NTRK3: variants seen among roughly 807,000 people sequenced by gnomAD.
NTRK3 encodes the protein neurotrophic receptor tyrosine kinase 3.
In NTRK3, 24 loss-of-function variants were observed where a neutral mutation model predicts 91.7. That is an observed-to-expected ratio of 0.26 (90% CI 0.19 to 0.37). NTRK3 has a LOEUF of 0.37. NTRK3 is among the 10% of genes least tolerant of loss of function. NTRK3 has a pLI of 1.00. For missense variants in NTRK3, 880 were observed against 1,068.9 expected, an observed-to-expected ratio of 0.82 and a Z score of 2.46; for synonymous variants, 483 against 404.0, an observed-to-expected ratio of 1.20 and a Z score of -2.34.
intron 5 of NTRK3, among the ~76,000 whole-genome samples, chr15:88,178,707 T>C (rs1264009544): frequency 6.6e-6 from 1 of 152,238 alleles, no homozygotes; most frequent in African/African-American, 2.4e-5. Flanking sequence ...AAGTAGGCCA[T>C]AGGCTAATGC....
intron 5 of NTRK3, among the ~76,000 whole-genome samples, chr15:88,179,412 G>C (rs183917323): frequency 6.6e-6 from 1 of 152,248 alleles, no homozygotes; most frequent in African/African-American, 2.4e-5. Context: ...CCTATCTTCC[G>C]TGCTGTAAAA....
chr15:88,063,484 G>A (rs375235559), intron 13 of NTRK3, among the ~76,000 whole-genome samples: 56 of 152,310 alleles, frequency 3.7e-4, no homozygotes, highest in African/African-American at 1.2e-3. Flanking sequence ...TGGACAACCC[G>A]TGTTCCCCAC....
intron 14 of NTRK3, among the ~76,000 whole-genome samples, chr15:87,955,687 C>T (rs778973848): frequency 6.6e-6 from 1 of 152,184 alleles, no homozygotes; most frequent in Non-Finnish European, 1.5e-5. Flanking sequence ...AACTTGCCAA[C>T]AGGCACGACC....
At chr15:88,123,521 G>A (rs918338647) in intron 13 of NTRK3, among the ~76,000 whole-genome samples, 8 of 152,158 alleles carry the variant, frequency 5.3e-5, no homozygotes, top group Non-Finnish European at 7.3e-5. Flanking sequence ...AGTCAAACTC[G>A]GTAAAATAAT....
At chr15:88,165,188 C>T (rs988916830) in intron 5 of NTRK3, among the ~76,000 whole-genome samples, 1 of 152,186 alleles carries the variant, frequency 6.6e-6, no homozygotes, top group African/African-American at 2.4e-5. Flanking sequence ...TGGCCAAAGG[C>T]TGGCACTCTC....
chr15:88,194,901 C>T (rs1486690052), intron 3 of NTRK3, among the ~76,000 whole-genome samples: 2 of 152,132 alleles, frequency 1.3e-5, no homozygotes, highest in Non-Finnish European at 2.9e-5. Context: ...ATTTTTCCCT[C>T]GGCCAAGACA....
intron 17 of NTRK3, among the ~76,000 whole-genome samples, chr15:87,917,392 T>C (rs1406193516): frequency 6.6e-6 from 1 of 152,192 alleles, no homozygotes; most frequent in East Asian, 1.9e-4. Flanking sequence ...TTGATGCTAT[T>C]CTGCCTGGTC....
chr15:87,889,464 G>A (rs1214629419), intron 17 of NTRK3, among the ~76,000 whole-genome samples: 1 of 146,618 alleles, frequency 6.8e-6, no homozygotes, highest in African/African-American at 2.6e-5. Flanking sequence ...GAGTGCAGTG[G>A]CAGGATCTCA....
intron 17 of NTRK3, among the ~76,000 whole-genome samples, chr15:87,884,705 C>A (rs1471909553): frequency 6.6e-6 from 1 of 151,614 alleles, no homozygotes; most frequent in Non-Finnish European, 1.5e-5. Context: ...CCTTGGGGAA[C>A]CTACTGTTAA....
At chr15:88,096,422 C>A (rs1190633147) in intron 13 of NTRK3, among the ~76,000 whole-genome samples, 1 of 152,118 alleles carries the variant, frequency 6.6e-6, no homozygotes, top group East Asian at 1.9e-4. Context: ...GGAGAAGACC[C>A]TACTTCACCA....
chr15:88,182,543 T>C (rs569706363), intron 5 of NTRK3, among the ~76,000 whole-genome samples: 2 of 152,156 alleles, frequency 1.3e-5, no homozygotes, highest in South Asian at 2.1e-4. Context: ...CCAAAGGCAA[T>C]AGACCCCTCC....
intron 6 of NTRK3, chr15:88,144,003 G>C (rs960810423): frequency 6.6e-6 from 1 of 152,140 alleles, no homozygotes; most frequent in African/African-American, 2.4e-5. Context: ...CTGTGCTGTA[G>C]GTCTACATCC....
chr15:87,985,745 G>A (rs904027813), intron 14 of NTRK3, among the ~76,000 whole-genome samples: 3 of 152,114 alleles, frequency 2.0e-5, no homozygotes, highest in African/African-American at 7.2e-5. Flanking sequence ...ATCCATGCCT[G>A]GCTGAGATAA....
chr15:88,027,120 C>G (rs188557948), intron 14 of NTRK3, among the ~76,000 whole-genome samples: 17 of 152,134 alleles, frequency 1.1e-4, no homozygotes, highest in African/African-American at 4.1e-4. Flanking sequence ...GTCTAGGCAA[C>G]GAGATTTGAT....
chr15:87,883,391 A>T (rs1229983658), intron 17 of NTRK3, among the ~76,000 whole-genome samples: 1 of 148,584 alleles, frequency 6.7e-6, no homozygotes, highest in African/African-American at 2.4e-5. Context: ...ATACATATAT[A>T]TGTATATGTG....
At chr15:87,883,845 A>T (rs2065383859) in intron 17 of NTRK3, among the ~76,000 whole-genome samples, 1 of 151,468 alleles carries the variant, frequency 6.6e-6, no homozygotes, top group Non-Finnish European at 1.5e-5. Flanking sequence ...ATGTAAAAGT[A>T]TTTATTGTAA....
At position 87,970,739 on chromosome 15, in the gene NTRK3, G is replaced by T. The variant is rs2073188468; in HGVS notation, c.1586-29986C>A. Among the ~76,000 whole-genome samples, 4 of 152,140 alleles carry T rather than the reference G, an allele frequency of 2.6e-5. No homozygotes were observed. The South Asian group carries it at 8.3e-4, about 32-fold the overall frequency. ...CCTTGGCATATCATGAGACTAAGGA[G>T]AAACATTGCTGCAATCAATAAAAAG... On this transcript the variant is annotated intron_variant, in intron 14 of 18. Coordinates refer to ENST00000394480, the Ensembl canonical transcript of NTRK3.
intron 10 of NTRK3, 109 bp downstream of exon 10, chr15:88,134,992 G>C: frequency 1.5e-6 from 2 of 1,313,738 alleles, no homozygotes; most frequent in Non-Finnish European, 2.2e-6. Context: ...TGTTGCCCAT[G>C]ATAACAGTAT....
chr15:88,253,934 A>G (rs991448097), intron 3 of NTRK3, among the ~76,000 whole-genome samples: 1 of 152,186 alleles, frequency 6.6e-6, no homozygotes. Context: ...TTCCCTGAGC[A>G]TCATTTTCAG....
Sources: allele counts gnomAD v4.1 joint callset (sites outside exome capture counted in the v4.1 genomes callset), GRCh38; gene constraint gnomAD v4.1.1; transcripts MANE v1.5; gene names NCBI Gene and HGNC (gene_info 2026-07-23, HGNC 2026-07-21).